Variants in SEMA3A observed in about 807,000 individuals in gnomAD.
The protein encoded by SEMA3A is semaphorin 3A, also known as semaphorin-3A.
Under a neutral mutation model 97.9 loss-of-function variants are expected in SEMA3A, and 29 were observed. That is an observed-to-expected ratio of 0.30 (90% CI 0.22 to 0.40). The LOEUF (loss-of-function observed/expected upper bound fraction) is 0.40. SEMA3A is among the 10% of genes least tolerant of loss of function. The pLI, the probability that SEMA3A is intolerant of heterozygous loss-of-function variation, is 1.00. For missense variants in SEMA3A, 763 were observed against 951.3 expected (o/e 0.80, Z 2.60); for synonymous variants, 321 against 323.7 (o/e 0.99, Z 0.09).
intron 3 of SEMA3A, among the ~76,000 whole-genome samples, chr7:84,261,920 T>C (rs771196315): frequency 2.0e-4 from 31 of 152,100 alleles, no homozygotes; most frequent in African/African-American, 4.6e-4. Context: ...ATAACACTTA[T>C]AGTCATTCTT....
At chr7:84,277,255 T>A (rs1170938473) in intron 3 of SEMA3A, among the ~76,000 whole-genome samples, 1 of 152,116 alleles carries the variant, frequency 6.6e-6, no homozygotes, top group Non-Finnish European at 1.5e-5. Flanking sequence ...GCATGAGTGA[T>A]AGCAGGTTAA....
chr7:83,966,642 T>G (rs929483168), intron 15 of SEMA3A, among the ~76,000 whole-genome samples: 2 of 152,298 alleles, frequency 1.3e-5, no homozygotes, highest in Non-Finnish European at 2.9e-5. Context: ...ATTTCTTTGG[T>G]TTAAGATTCT....
In SEMA3A at chr7:83,959,653, A is replaced by T. The variant is rs1216089749; in HGVS notation, c.*1718T>A. 1 of 152,090 alleles carries T rather than the reference A, an allele frequency of 6.6e-6. No homozygotes were observed. Among genetic ancestry groups the T allele is most frequent in the Non-Finnish European group, 1.5e-5 (1 of 67,964 alleles). The allele number at this position is 152,090 out of a possible 1,614,324, so 9.4% of individuals were successfully genotyped here. A position where few individuals can be genotyped will look rare whatever the true frequency, so the allele number is the denominator to read the frequency against. ...TAAAAATTCACTGTAGTCTGAGGTG[A>T]GAAATTGATGCTGAGTTAATTAGAA... is the stretch of plus-strand genomic sequence containing the variant. On this transcript the variant is annotated 3_prime_UTR_variant, in exon 17 of 17. Coordinates refer to ENST00000265362, the MANE Select transcript of SEMA3A (RefSeq NM_006080.3).
intron 1 of SEMA3A, among the ~76,000 whole-genome samples, chr7:84,377,356 T>C (rs1298320974): frequency 6.6e-6 from 1 of 152,168 alleles, no homozygotes; most frequent in Admixed American, 6.5e-5. Flanking sequence ...ATTTCTCAAA[T>C]AAGCACAGAA....
chr7:84,414,600 T>C (rs1483024037), intron 1 of SEMA3A, among the ~76,000 whole-genome samples: 1 of 152,042 alleles, frequency 6.6e-6, no homozygotes, highest in African/African-American at 2.4e-5. Context: ...CAACATCACG[T>C]GTAGTATTCT....
chr7:84,113,789 A>G (rs1795344517), intron 3 of SEMA3A, among the ~76,000 whole-genome samples: 1 of 152,168 alleles, frequency 6.6e-6, no homozygotes, highest in Admixed American at 6.6e-5. Context: ...ACAGTGTTAT[A>G]GATTGTTAGC....
At chr7:84,252,391 A>G (rs1799628727) in intron 3 of SEMA3A, among the ~76,000 whole-genome samples, 1 of 152,218 alleles carries the variant, frequency 6.6e-6, no homozygotes, top group Non-Finnish European at 1.5e-5. Context: ...ATAAAGGCAA[A>G]CCACGCAATA....
upstream of SEMA3A, among the ~76,000 whole-genome samples, chr7:84,197,486 A>C (rs1325898646): frequency 1.3e-5 from 2 of 152,200 alleles, no homozygotes. Flanking sequence ...AAACACTCAC[A>C]AAAGCATTTG....
At chr7:84,443,264 C>T (rs2116345051) in intron 1 of SEMA3A, among the ~76,000 whole-genome samples, 1 of 152,166 alleles carries the variant, frequency 6.6e-6, no homozygotes, top group African/African-American at 2.4e-5. Flanking sequence ...AGATAGATCA[C>T]ACAAAGTACA....
chr7:84,362,692 T>C (rs1013549354), intron 2 of SEMA3A, among the ~76,000 whole-genome samples: 1 of 152,026 alleles, frequency 6.6e-6, no homozygotes, highest in Admixed American at 6.6e-5. Context: ...GTTTACATAA[T>C]TACATGGAAC....
chr7:84,118,839 TTCTTCACCAGC>T (rs1430975620), intron 3 of SEMA3A, among the ~76,000 whole-genome samples: 1 of 152,168 alleles, frequency 6.6e-6, no homozygotes, highest in Non-Finnish European at 1.5e-5. Flanking sequence ...TTCCATAGAG[TTCTTCACCAGC>T]TCTCATGATT....
intron 1 of SEMA3A, among the ~76,000 whole-genome samples, chr7:84,180,843 T>C: frequency 6.6e-6 from 1 of 152,206 alleles, no homozygotes; most frequent in East Asian, 1.9e-4. Context: ...CCTGGCTTAC[T>C]AAATGAAGGA....
Position 84,127,999 on chromosome 7 carries a change from G to GA in SEMA3A, c.333+1123dup, listed in dbSNP as rs1175249203. Among the ~76,000 whole-genome samples the GA allele has an allele frequency of 5.5e-4, 83 of 151,910 alleles. 1 individual carries two copies. The highest frequency in any genetic ancestry group is 2.0e-3 in the African/African-American group (81 of 41,386). On this transcript the variant is annotated intron_variant, in intron 3 of 16. Transcript: ENST00000265362. ...ATTTTTAAAATTCTGTAATTCATTT[G>GA]AATTAATTTATTTAAATGATTATAA...
At chr7:84,361,962 T>G (rs868865072) in intron 2 of SEMA3A, among the ~76,000 whole-genome samples, 2 of 152,016 alleles carry the variant, frequency 1.3e-5, no homozygotes, top group Non-Finnish European at 2.9e-5. Flanking sequence ...AAACAGATTA[T>G]AGCTTTCAGT....
At chr7:84,125,740 G>A (rs957397633) in intron 3 of SEMA3A, among the ~76,000 whole-genome samples, 1 of 152,256 alleles carries the variant, frequency 6.6e-6, no homozygotes, top group Non-Finnish European at 1.5e-5. Context: ...AGAGGAGAAA[G>A]TTCCCATAAA....
At chr7:84,407,759 T>A (rs1385258807) in intron 1 of SEMA3A, among the ~76,000 whole-genome samples, 1 of 152,196 alleles carries the variant, frequency 6.6e-6, no homozygotes, top group African/African-American at 2.4e-5. Context: ...AACTATCTGA[T>A]CTTTGACAAA....
chr7:83,961,859 T>C (rs760895626), intron 16 of SEMA3A, 33 bp from the exon 17 acceptor site: 5 of 1,505,010 alleles, frequency 3.3e-6, no homozygotes, highest in Non-Finnish European at 4.5e-6. Context: ...GTGTAAAATA[T>C]ACATATTTAA....
intron 14 of SEMA3A, among the ~76,000 whole-genome samples, chr7:83,978,851 C>T (rs144192876): frequency 6.6e-6 from 1 of 152,124 alleles, no homozygotes; most frequent in Non-Finnish European, 1.5e-5. Flanking sequence ...TTTTTAAAGA[C>T]AGCGTGTCAC....
chr7:84,102,558 G>A (rs1290788294), intron 4 of SEMA3A, among the ~76,000 whole-genome samples: 2 of 144,494 alleles, frequency 1.4e-5, no homozygotes, highest in African/African-American at 5.0e-5. Context: ...ATCCTCTGGT[G>A]TGAATACAGA....
Sources: allele counts gnomAD v4.1 joint callset (sites outside exome capture counted in the v4.1 genomes callset), GRCh38; gene constraint gnomAD v4.1.1; transcripts MANE v1.5; gene names NCBI Gene and HGNC (gene_info 2026-07-23, HGNC 2026-07-21).